RFX2: variants seen among roughly 807,000 people sequenced by gnomAD.
RFX2 encodes regulatory factor X2, also known as DNA-binding protein RFX2.
Under a neutral mutation model 87.8 loss-of-function variants are expected in RFX2, and 20 were observed. That is an observed-to-expected ratio of 0.23 (90% confidence interval 0.16 to 0.33). The LOEUF (loss-of-function observed/expected upper bound fraction) is 0.33. RFX2 is among the 10% of genes least tolerant of loss of function. The pLI is 1.00. For missense variants in RFX2, 767 were observed against 1,012.3 expected (o/e 0.76, Z 3.29); for synonymous variants, 397 against 431.3 (o/e 0.92, Z 0.98).
chr19:6,025,874 C>T (rs2086881995), intron 6 of RFX2, among the ~76,000 whole-genome samples: 1 of 150,978 alleles, frequency 6.6e-6, no homozygotes, highest in South Asian at 2.1e-4. Context: ...CAACCTCTGC[C>T]TCCCGGGTTC....
chr19:6,016,395 T>G lies in RFX2; in HGVS notation c.598-124A>C. On this transcript the variant is annotated intron_variant, in intron 6 of 17. Coordinates refer to ENST00000303657, the MANE Select transcript of RFX2 (RefSeq NM_000635.4). The surrounding 1 kb of genome is among the most constrained non-coding windows in gnomAD (Gnocchi z 5.4). ...ACCAAATGGGATGAGGAAATCCATC[T>G]TTTCTTTCTTTTTGAGGCGGAGTCT... The G allele has an allele frequency of 3.2e-6, 2 of 627,004 alleles. No individual in the cohort carries two copies. The highest frequency in any genetic ancestry group is 5.1e-6 in the Non-Finnish European group (2 of 389,286). The allele number at this position is 627,004 out of a possible 1,614,324, so 38.8% of individuals were successfully genotyped here.
intron 1 of RFX2, among the ~76,000 whole-genome samples, chr19:6,086,091 C>CAAAAA (rs11340459): frequency 1.7e-5 from 1 of 59,440 alleles, no homozygotes; most frequent in African/African-American, 6.9e-5. Flanking sequence ...GATCCTGTCT[C>CAAAAA]AAAAAAAAAA....
rs1167863868 is a variant in RFX2, at chr19:6,017,337, C to T, written c.598-1066G>A. 1.3e-5 allele frequency among the ~76,000 whole-genome samples: 2 copies of T among 152,232 alleles called. No individual in the cohort carries two copies. Among genetic ancestry groups the T allele is most frequent in the Non-Finnish European group, 2.9e-5 (2 of 68,044 alleles). On this transcript the variant is annotated intron_variant, in intron 6 of 17. Transcript: ENST00000303657. This position sits in a 1 kb window ranked among gnomAD's most constrained non-coding sequence, Gnocchi z 4.1. The stretch of plus-strand genomic sequence containing the variant: ...TTAGAAGGGCTGCGAGAACTGTCCA[C>T]ACGAAGAGCTCAGTCCCCACACTGG...
At chr19:6,006,154 C>T (rs1228970764) in intron 12 of RFX2, among the ~76,000 whole-genome samples, 2 of 152,122 alleles carry the variant, frequency 1.3e-5, no homozygotes, top group South Asian at 2.1e-4. Flanking sequence ...CGGCCCACAG[C>T]GGCTCTCACT....
intron 1 of RFX2, chr19:6,057,015 T>C (rs1431384656): frequency 1.3e-5 from 2 of 152,170 alleles, no homozygotes; most frequent in Non-Finnish European, 2.9e-5. Flanking sequence ...ATTTACCATC[T>C]GGTCCAAGAT....
rs889243455 is a variant in RFX2 at position 6,063,279 on chromosome 19, T to C, written c.-8-15775A>G. Reference sequence around the variant, plus strand: ...CCTACGCCTGCCAGACCCCCAGGCCTGAGCGCCAGCCCTTCACTGATCAGC... The same window carrying C: ...CCTACGCCTGCCAGACCCCCAGGCCCGAGCGCCAGCCCTTCACTGATCAGC... On this transcript the variant is annotated intron_variant, in intron 1 of 17. Coordinates refer to ENST00000303657, the MANE Select transcript of RFX2 (RefSeq NM_000635.4). The surrounding 1 kb of genome is among the most constrained non-coding windows in gnomAD (Gnocchi z 4.0). Among the ~76,000 whole-genome samples the C allele has an allele frequency of 3.9e-5, 6 of 152,204 alleles. No homozygotes were observed. The highest frequency in any genetic ancestry group is 1.4e-4 in the African/African-American group (6 of 41,462).
intron 12 of RFX2, among the ~76,000 whole-genome samples, chr19:6,005,901 C>T (rs1009227716): frequency 3.9e-5 from 6 of 152,284 alleles, no homozygotes; most frequent in Admixed American, 1.3e-4. Context: ...GACCAGGGTG[C>T]GCAGCAACCC....
intron 1 of RFX2, among the ~76,000 whole-genome samples, chr19:6,067,415 C>T (rs954343543): frequency 3.9e-5 from 6 of 152,138 alleles, no homozygotes; most frequent in African/African-American, 9.7e-5. Context: ...GACATCACTG[C>T]GCCGGCTCTT....
chr19:6,006,663 T>C (rs10420456), intron 12 of RFX2, among the ~76,000 whole-genome samples: 1,824 of 152,080 alleles, frequency 0.012, 34 homozygotes, highest in African/African-American at 0.042. Context: ...TTGGTCACAC[T>C]GGTCTCAAAC....
chr19:6,080,448 G>C (rs188890702), intron 1 of RFX2, among the ~76,000 whole-genome samples: 2 of 152,312 alleles, frequency 1.3e-5, no homozygotes, highest in East Asian at 3.9e-4. Flanking sequence ...CAGTATCCTT[G>C]TCAGGCAAGA....
intron 5 of RFX2, among the ~76,000 whole-genome samples, chr19:6,037,059 C>T (rs546808320): frequency 6.6e-6 from 1 of 152,066 alleles, no homozygotes; most frequent in East Asian, 1.9e-4. Flanking sequence ...CCGAGGCAGG[C>T]AGATCACGAG....
At chr19:6,087,774 CT>C (rs1205259160) in intron 1 of RFX2, among the ~76,000 whole-genome samples, 3 of 152,120 alleles carry the variant, frequency 2.0e-5, no homozygotes, top group African/African-American at 7.2e-5. Context: ...ATGGAAATAG[CT>C]TTTTTGACAG....
At position 6,016,452 on chromosome 19, in the gene RFX2, G is replaced by A. The variant is rs1431938567; in HGVS notation, c.598-181C>T. On this transcript the variant is annotated intron_variant, in intron 6 of 17. Transcript: ENST00000303657. The surrounding 1 kb of genome is among the most constrained non-coding windows in gnomAD (Gnocchi z 5.4). ...GTCACCCAGTCTGGAGTACAGTGGC[G>A]CAATCTCGGCTCACTGCAGCCTCTG... Among the ~76,000 whole-genome samples the A allele has an allele frequency of 1.3e-5, 2 of 152,122 alleles. No individual in the cohort carries two copies. Among genetic ancestry groups the A allele is most frequent in the Non-Finnish European group, 2.9e-5 (2 of 68,024 alleles).
rs1347507848 is a variant in RFX2 at position 5,997,128 on chromosome 19, T to C, written c.1945A>G (p.Met649Val). ...HLIRLLYDEY[M>V]FYLVEHRVAE... ...ACGCGGTGCTCCACCAGGTAGAACA[T>C]GTACTCGTCGTAGAGCAGGCGGATG... The change falls in exon 16 of 18, where the codon ATG (methionine) becomes GTG (valine). Residue 649 changes from methionine (M) to valine (V), a missense_variant. This residue lies in a region of RFX2 where 621 missense variants were observed against 873.0 expected (regional missense o/e 0.71). Coordinates refer to ENST00000303657, the MANE Select transcript of RFX2 (RefSeq NM_000635.4). The surrounding 1 kb of genome is among the most constrained non-coding windows in gnomAD (Gnocchi z 4.2). 3 of 1,613,752 alleles carry C rather than the reference T, an allele frequency of 1.9e-6. No individual in the cohort carries two copies. Among genetic ancestry groups the C allele is most frequent in the South Asian group, 2.2e-5 (2 of 91,086 alleles).
intron 1 of RFX2, among the ~76,000 whole-genome samples, chr19:6,062,367 C>A (rs1231672406): frequency 2.0e-5 from 3 of 152,084 alleles, no homozygotes; most frequent in Non-Finnish European, 2.9e-5. Context: ...GCTCTAGACA[C>A]AACACACACG....
Position 6,004,161 on chromosome 19 carries a change from C to T in RFX2, c.1500+40G>A, listed in dbSNP as rs774986991. On this transcript the variant is annotated intron_variant, in intron 13 of 17. Coordinates refer to ENST00000303657, the MANE Select transcript of RFX2 (RefSeq NM_000635.4). This position sits in a 1 kb window ranked among gnomAD's most constrained non-coding sequence, Gnocchi z 4.8. ...TGCTGTCCTGGACTGGAGCCCCTCCCAGCCATCGTTGGGGAGCCCAGGCCC... is the reference window on the plus strand; with the variant it reads ...TGCTGTCCTGGACTGGAGCCCCTCCTAGCCATCGTTGGGGAGCCCAGGCCC... 8 of 1,487,730 alleles carry T rather than the reference C, an allele frequency of 5.4e-6. No homozygotes were observed. In the East Asian group the frequency reaches 6.8e-5, roughly 13 times the overall value. 92.2% of individuals were successfully genotyped at this position (1,487,730 alleles called of 1,614,324 possible).
intron 1 of RFX2, among the ~76,000 whole-genome samples, chr19:6,096,697 T>C (rs558019867): frequency 3.9e-5 from 6 of 152,292 alleles, no homozygotes; most frequent in Admixed American, 3.9e-4. Flanking sequence ...CCGCCCACCT[T>C]GGCCTCCCAA....
At chr19:5,995,714 G>T (rs1391131310) in intron 16 of RFX2, 71 bp from the exon 17 acceptor site, 1 of 1,386,344 alleles carries the variant, frequency 7.2e-7, no homozygotes, top group African/African-American at 1.4e-5. Flanking sequence ...CTCGGGGGAT[G>T]CCGGCCCAAC....
rs1206109410 is a variant in RFX2, at chr19:6,002,651, C to T, written c.1650+70G>A. 2.5e-6 allele frequency: 4 copies of T among 1,584,698 alleles called. No homozygotes were observed. The African/African-American group carries it at 4.0e-5, about 16-fold the overall frequency. On this transcript the variant is annotated intron_variant, in intron 14 of 17. Coordinates refer to ENST00000303657, the MANE Select transcript of RFX2 (RefSeq NM_000635.4). The surrounding 1 kb of genome is among the most constrained non-coding windows in gnomAD (Gnocchi z 6.7). ...GGGCCAGGTTGTGCCACGGGCTCCACTTGGTGGGTTTGCTGGTTTTGCTGG... is the reference window on the plus strand; with the variant it reads ...GGGCCAGGTTGTGCCACGGGCTCCATTTGGTGGGTTTGCTGGTTTTGCTGG...
Sources: gnomAD v4.1 joint callset for allele counts (sites outside exome capture counted in the v4.1 genomes callset) on GRCh38, gnomAD v4.1.1 for gene constraint, gnomAD v4.1.1 regional missense constraint, Gnocchi (gnomAD v3.1) non-coding constraint, MANE v1.5 for transcripts, NCBI Gene and HGNC (gene_info 2026-07-23, HGNC 2026-07-21) for gene names.